Variants in TDRD10 observed in about 807,000 individuals in gnomAD.
TDRD10 encodes tudor domain containing 10, also known as tudor domain-containing protein 10.
A neutral mutation model predicts 48.0 loss-of-function variants in TDRD10; 40 were observed. That is an observed-to-expected ratio of 0.83 (90% CI 0.65 to 1.09). The LOEUF (loss-of-function observed/expected upper bound fraction) is 1.09, where lower values mean the gene tolerates loss of function less well. TDRD10 is among the 50% of genes least tolerant of loss of function. The pLI is 0.00. For synonymous variants in TDRD10, 162 were observed against 170.4 expected, an observed-to-expected ratio of 0.95 and a Z score of 0.38; for missense variants, 378 against 434.7, an observed-to-expected ratio of 0.87 and a Z score of 1.16.
intron 4 of TDRD10, among the ~76,000 whole-genome samples, chr1:154,512,968 A>G (rs1570905293): frequency 6.6e-6 from 1 of 152,330 alleles, no homozygotes; most frequent in South Asian, 2.1e-4. Flanking sequence ...TTTGTTTCAG[A>G]ATAGCCTAGT....
At chr1:154,541,805 C>G (rs1447030157) in intron 6 of TDRD10, 1 of 514,764 alleles carries the variant, frequency 1.9e-6, no homozygotes, top group Non-Finnish European at 3.4e-6. Context: ...AGCCCTGCTC[C>G]CTGCCTTCCC....
intron 11 of TDRD10, 51 bp from the exon 12 acceptor site, chr1:154,547,358 C>T (rs755960448): frequency 5.6e-6 from 9 of 1,608,770 alleles, no homozygotes; most frequent in Non-Finnish European, 6.8e-6. Context: ...CTTTGCTCCT[C>T]CTGCCCAACC....
chr1:154,511,185 G>A (rs747710499), intron 4 of TDRD10, among the ~76,000 whole-genome samples: 19 of 152,088 alleles, frequency 1.2e-4, no homozygotes, highest in Admixed American at 3.3e-4. Context: ...GCTCACTACA[G>A]CCTCTGCCCT....
At chr1:154,510,378 G>A (rs1346460812) in intron 4 of TDRD10, among the ~76,000 whole-genome samples, 1 of 151,780 alleles carries the variant, frequency 6.6e-6, no homozygotes, top group Non-Finnish European at 1.5e-5. Context: ...AAATCACAAG[G>A]TCAGGAGATC....
chr1:154,537,404 C>T (rs1193644549), intron 6 of TDRD10, among the ~76,000 whole-genome samples: 1 of 152,206 alleles, frequency 6.6e-6, no homozygotes, highest in Non-Finnish European at 1.5e-5. Flanking sequence ...TCATCTTTGT[C>T]TTTTTGTGTC....
rs79648265 is a variant in TDRD10 at position 154,548,066 on chromosome 1, C to G, written c.*356C>G. The G allele has an allele frequency of 8.1e-3, 2,541 of 312,204 alleles. 55 individuals carry two copies. The highest frequency in any genetic ancestry group is 0.05 in the African/African-American group (2,320 of 46,570). The allele number at this position is 312,204 out of a possible 1,614,324, so 19.3% of individuals were successfully genotyped here. On this transcript the variant is annotated 3_prime_UTR_variant, in exon 13 of 13. Coordinates refer to ENST00000368482, the MANE Select transcript of TDRD10 (RefSeq NM_182499.4). The stretch of plus-strand genomic sequence containing the variant: ...AGATTCTGGATAATGGAGAAGCCCT[C>G]TGCTGGTTTTCCTGGCATTCCATGT...
intron 4 of TDRD10, among the ~76,000 whole-genome samples, chr1:154,515,119 C>G (rs1693688365): frequency 6.6e-6 from 1 of 152,056 alleles, no homozygotes; most frequent in Non-Finnish European, 1.5e-5. Flanking sequence ...CCACCCACCT[C>G]AGCTTCCCAG....
In TDRD10 at chr1:154,521,475, C is replaced by T. The variant is rs202037343; in HGVS notation, c.365C>T (p.Pro122Leu). 6 of 1,613,650 alleles carry T rather than the reference C, an allele frequency of 3.7e-6. No individual in the cohort carries two copies. The highest frequency in any genetic ancestry group is 1.3e-5 in the African/African-American group (1 of 75,028). Residue 122 changes from proline (P) to leucine (L), a missense_variant, in exon 6 of 13, where the codon CCG (proline) becomes CTG (leucine). Coordinates refer to ENST00000368482, the MANE Select transcript of TDRD10 (RefSeq NM_182499.4). ...TPDMIQQPRA[P>L]LVLEKASGEG... ...GATATGATCCAGCAGCCTCGGGCCCCGCTGGTATGTCTTCTGGCCTTTCTG... is the reference window on the plus strand; with the variant it reads ...GATATGATCCAGCAGCCTCGGGCCCTGCTGGTATGTCTTCTGGCCTTTCTG...
chr1:154,538,817 C>T (rs1451643027), intron 6 of TDRD10, among the ~76,000 whole-genome samples: 1 of 99,574 alleles, frequency 1.0e-5, no homozygotes, highest in East Asian at 2.7e-4. Context: ...TGCATCACTG[C>T]ACTCCAGCCT....
At chr1:154,509,831 A>G (rs915499761) in intron 4 of TDRD10, 28 of 985,252 alleles carry the variant, frequency 2.8e-5, no homozygotes, top group Non-Finnish European at 3.4e-5. Flanking sequence ...TGAAGTGGGC[A>G]GAGGAGCCCT....
At chr1:154,522,910 T>C (rs1463777812) in intron 6 of TDRD10, among the ~76,000 whole-genome samples, 1 of 152,204 alleles carries the variant, frequency 6.6e-6, no homozygotes, top group Non-Finnish European at 1.5e-5. Context: ...ACTTACTTCC[T>C]GGACCATTGT....
intron 5 of TDRD10, among the ~76,000 whole-genome samples, chr1:154,520,994 C>G (rs1694025745): frequency 1.3e-5 from 2 of 152,200 alleles, no homozygotes; most frequent in Admixed American, 1.3e-4. Context: ...CTGTCTTGGC[C>G]TCCCAAAGTG....
At chr1:154,531,984 G>A (rs1378270205) in intron 6 of TDRD10, among the ~76,000 whole-genome samples, 2 of 152,198 alleles carry the variant, frequency 1.3e-5, no homozygotes, top group Admixed American at 6.5e-5. Context: ...AGTCATAAAG[G>A]TTCTCCAAGT....
intron 3 of TDRD10, among the ~76,000 whole-genome samples, 173 bp downstream of exon 3, chr1:154,507,493 G>A (rs1436758890): frequency 6.6e-6 from 1 of 151,962 alleles, no homozygotes; most frequent in Non-Finnish European, 1.5e-5. Flanking sequence ...TGGATGTGGC[G>A]CCTGCCACTG....
chr1:154,534,396 G>C (rs1416467810), intron 6 of TDRD10: 1 of 152,276 alleles, frequency 6.6e-6, no homozygotes. Context: ...TGTAGGTGAA[G>C]ATGCATAAAA....
intron 2 of TDRD10, 64 bp downstream of exon 2, chr1:154,506,969 A>C: frequency 6.2e-7 from 1 of 1,613,770 alleles, no homozygotes. Context: ...TCTTTCTCCC[A>C]TTCCTGTCTC....
chr1:154,525,596 G>A (rs1162700076), intron 6 of TDRD10, among the ~76,000 whole-genome samples: 1 of 152,048 alleles, frequency 6.6e-6, no homozygotes, highest in African/African-American at 2.4e-5. Flanking sequence ...AATCCAAATA[G>A]GAAGTAGACA....
chr1:154,505,555 GAA>G (rs1331508503), intron 1 of TDRD10, among the ~76,000 whole-genome samples: 1 of 152,234 alleles, frequency 6.6e-6, no homozygotes, highest in East Asian at 1.9e-4. Flanking sequence ...ATAATTTAGA[GAA>G]AAGAGTTACT....
At chr1:154,543,236 C>A (rs1293806344) in intron 8 of TDRD10, among the ~76,000 whole-genome samples, 1 of 152,136 alleles carries the variant, frequency 6.6e-6, no homozygotes, top group Non-Finnish European at 1.5e-5. Context: ...GATTGTGCCA[C>A]TGCAGTCCAG....
Sources: gnomAD v4.1 joint callset for allele counts (sites outside exome capture counted in the v4.1 genomes callset) on GRCh38, gnomAD v4.1.1 for gene constraint, MANE v1.5 for transcripts, NCBI Gene and HGNC (gene_info 2026-07-23, HGNC 2026-07-21) for gene names.